Variants in BPNT1 observed in about 807,000 individuals in gnomAD.
BPNT1 encodes the protein 3'(2'),5'-bisphosphate nucleotidase 1.
A neutral mutation model predicts 36.9 loss-of-function variants in BPNT1; 28 were observed. The observed-to-expected ratio is 0.76, with a 90% CI of 0.56 to 1.04. BPNT1 has a LOEUF of 1.04. Among genes scored for constraint, BPNT1 ranks in the 50% least tolerant of loss-of-function variants. BPNT1 has a pLI of 0.00. For synonymous variants in BPNT1, 119 were observed against 130.9 expected, an observed-to-expected ratio of 0.91 and a Z score of 0.62; for missense variants, 313 against 372.9, an observed-to-expected ratio of 0.84 and a Z score of 1.32.
intron 1 of BPNT1, among the ~76,000 whole-genome samples, chr1:220,082,219 C>T (rs980839911): frequency 2.0e-5 from 3 of 149,856 alleles, no homozygotes; most frequent in Non-Finnish European, 3.0e-5. Flanking sequence ...CTTGCTCTGT[C>T]GCCCAGGCTG....
chr1:220,080,417 G>A (rs962738539), intron 1 of BPNT1, among the ~76,000 whole-genome samples: 4 of 152,146 alleles, frequency 2.6e-5, no homozygotes, highest in Non-Finnish European at 5.9e-5. Context: ...ATTATTTCCA[G>A]TGGCAAGAAC....
chr1:220,072,354 T>TC (rs1457975891), intron 4 of BPNT1, among the ~76,000 whole-genome samples: 2 of 150,000 alleles, frequency 1.3e-5, no homozygotes, highest in Non-Finnish European at 3.0e-5. Context: ...AGAGCGAGAC[T>TC]CCGTCTCAGA....
chr1:220,077,493 T>C (rs1664652300), intron 2 of BPNT1, among the ~76,000 whole-genome samples: 1 of 152,050 alleles, frequency 6.6e-6, no homozygotes, highest in Admixed American at 6.6e-5. Flanking sequence ...CTCAAACTCC[T>C]GGGCTCAAGC....
intron 2 of BPNT1, among the ~76,000 whole-genome samples, chr1:220,074,310 T>G (rs1434626510): frequency 6.6e-6 from 1 of 152,204 alleles, no homozygotes; most frequent in East Asian, 1.9e-4. Context: ...GTTTAGAAAT[T>G]CCTTATCTCT....
intron 1 of BPNT1, among the ~76,000 whole-genome samples, chr1:220,086,066 A>G (rs1045339543): frequency 4.6e-5 from 7 of 152,202 alleles, no homozygotes; most frequent in African/African-American, 1.7e-4. Flanking sequence ...CTGGAAAAAG[A>G]ACTATGAACA....
chr1:220,081,074 G>A (rs1423767676), intron 1 of BPNT1, among the ~76,000 whole-genome samples: 3 of 152,132 alleles, frequency 2.0e-5, no homozygotes, highest in African/African-American at 7.2e-5. Context: ...AAGTAGCTGG[G>A]ATTACAGGCG....
At chr1:220,072,993 G>C (rs1345708692) in intron 3 of BPNT1, 36 bp from the exon 4 acceptor site, 5 of 1,507,870 alleles carry the variant, frequency 3.3e-6, no homozygotes, top group African/African-American at 2.7e-5. Context: ...TACTGAAGCT[G>C]TTTAGTGTTT....
At chr1:220,061,090 T>C (rs900546562) in intron 7 of BPNT1, among the ~76,000 whole-genome samples, 1 of 152,214 alleles carries the variant, frequency 6.6e-6, no homozygotes, top group African/African-American at 2.4e-5. Context: ...TTAGTTAATC[T>C]GTTTAGGATT....
At chr1:220,069,316 A>G (rs1663830270) in intron 5 of BPNT1, 68 bp downstream of exon 5, 54 of 1,246,298 alleles carry the variant, frequency 4.3e-5, no homozygotes, top group Non-Finnish European at 6.0e-5. Context: ...CAAAATATCA[A>G]ATATTTACAA....
At chr1:220,077,689 TG>T (rs1571784035) in intron 2 of BPNT1, among the ~76,000 whole-genome samples, 1 of 152,202 alleles carries the variant, frequency 6.6e-6, no homozygotes, top group East Asian at 1.9e-4. Flanking sequence ...TTTTCTAAGT[TG>T]TTTTTTACTC....
chr1:220,061,858 G>A (rs2102632677), intron 7 of BPNT1, among the ~76,000 whole-genome samples: 1 of 152,070 alleles, frequency 6.6e-6, no homozygotes, highest in East Asian at 1.9e-4. Context: ...AATTCTCTCA[G>A]CAGGTTGGAA....
rs1234482940 is a variant in BPNT1, at chr1:220,077,880, T to G, written c.120+1847A>C. On this transcript the variant is annotated intron_variant, in intron 2 of 8. Transcript: ENST00000322067. ...CTTAAAGGCTATAATAAAGAAAGAT[T>G]TAGGCGAAGTGTAATGGCTCATACC... Among the ~76,000 whole-genome samples the G allele has an allele frequency of 2.0e-5, 3 of 152,122 alleles. No homozygotes were observed. The East Asian group carries it at 5.8e-4, about 29-fold the overall frequency.
intron 1 of BPNT1, among the ~76,000 whole-genome samples, chr1:220,087,265 CTA>C (rs1404484337): frequency 6.6e-6 from 1 of 152,080 alleles, no homozygotes; most frequent in African/African-American, 2.4e-5. Context: ...AAATTTGACT[CTA>C]TAAAACTAAG....
Position 220,057,918 on chromosome 1 carries a change from C to T in BPNT1, c.*926G>A. 7.9e-7 allele frequency: 1 copy of T among 1,263,870 alleles called. No homozygotes were observed. Among genetic ancestry groups the T allele is most frequent in the Non-Finnish European group, 1.0e-6 (1 of 957,190 alleles). 78.3% of individuals were successfully genotyped at this position (1,263,870 alleles called of 1,614,324 possible). A position where few individuals can be genotyped will look rare whatever the true frequency, so the allele number is the denominator to read the frequency against. Reference sequence around the variant, plus strand: ...TTAGGCCAGGTGCGGTGGCTCACACCTGTAATCCCAGCACTTTGGGAGTCC... The same window carrying T: ...TTAGGCCAGGTGCGGTGGCTCACACTTGTAATCCCAGCACTTTGGGAGTCC... On this transcript the variant is annotated 3_prime_UTR_variant, in exon 9 of 9. Transcript: ENST00000322067.
chr1:220,084,652 A>C (rs1370555511), intron 1 of BPNT1, among the ~76,000 whole-genome samples: 1 of 152,170 alleles, frequency 6.6e-6, no homozygotes, highest in Non-Finnish European at 1.5e-5. Flanking sequence ...CAACCATTTG[A>C]CCCTTGTCAG....
intron 4 of BPNT1, among the ~76,000 whole-genome samples, chr1:220,071,606 G>A (rs188053699): frequency 6.6e-6 from 1 of 152,338 alleles, no homozygotes; most frequent in East Asian, 1.9e-4. Context: ...GCAAGAAAGT[G>A]TGGTACTGGC....
rs890832596 is a variant in BPNT1 at position 220,062,702 on chromosome 1, G to T, written c.672+55C>A. ...CTCTTATTTCATGTTTTTAGAAGTT[G>T]AGTATTTCAATGATTCACTTGCACT... On this transcript the variant is annotated intron_variant, in intron 7 of 8. Coordinates refer to ENST00000322067, the MANE Select transcript of BPNT1 (RefSeq NM_006085.6). 7.6e-6 allele frequency: 12 copies of T among 1,569,384 alleles called. No individual in the cohort carries two copies. The South Asian group carries it at 1.1e-4, about 15-fold the overall frequency.
intron 6 of BPNT1, among the ~76,000 whole-genome samples, chr1:220,063,740 AT>A (rs1190570756): frequency 6.6e-6 from 1 of 152,218 alleles, no homozygotes. Context: ...GAATAGGCCA[AT>A]ACAATATTGA....
chr1:220,067,398 AAAG>A lies in BPNT1; in HGVS notation c.383-8_383-6del. On this transcript the variant is annotated splice_polypyrimidine_tract_variant and splice_region_variant and intron_variant, in intron 5 of 8. Coordinates refer to ENST00000322067, the MANE Select transcript of BPNT1 (RefSeq NM_006085.6). ...CTGTTACATTGTCAAGAAGACCTGC[AAAG>A]AAGAAATAAATATCAGTTATATAAC... 1.3e-6 allele frequency: 2 copies of A among 1,591,862 alleles called. No homozygotes were observed. The highest frequency in any genetic ancestry group is 1.3e-5 in the African/African-American group (1 of 74,266).
Sources: allele counts gnomAD v4.1 joint callset (sites outside exome capture counted in the v4.1 genomes callset), GRCh38; gene constraint gnomAD v4.1.1; transcripts MANE v1.5; gene names NCBI Gene and HGNC (gene_info 2026-07-23, HGNC 2026-07-21).